SEMA3A: variants seen among roughly 807,000 people sequenced by gnomAD.
The protein encoded by SEMA3A is semaphorin 3A, also known as semaphorin-3A.
A neutral mutation model predicts 97.9 loss-of-function variants in SEMA3A; 29 were observed. That is an observed-to-expected ratio of 0.30 (90% CI 0.22 to 0.40). The LOEUF is 0.40. SEMA3A is among the 10% of genes least tolerant of loss of function. The probability of loss-of-function intolerance (pLI) is 1.00; values close to 1 mark genes in which losing one functional copy is unlikely to be tolerated. For synonymous variants in SEMA3A, 321 were observed against 323.7 expected (o/e 0.99, Z 0.09); for missense variants, 763 against 951.3 (o/e 0.80, Z 2.60).
At chr7:84,284,174 T>C (rs966376391) in intron 3 of SEMA3A, among the ~76,000 whole-genome samples, 2 of 152,120 alleles carry the variant, frequency 1.3e-5, no homozygotes, top group African/African-American at 4.8e-5. Flanking sequence ...TAAAGGAAAT[T>C]TGAGCATTTA....
chr7:84,082,780 A>T (rs1464553559), intron 4 of SEMA3A, among the ~76,000 whole-genome samples: 2 of 151,986 alleles, frequency 1.3e-5, no homozygotes, highest in Non-Finnish European at 2.9e-5. Context: ...AAACTCAAAA[A>T]AAGTAGAAAA....
At chr7:84,308,015 G>A (rs1424558382) in intron 2 of SEMA3A, among the ~76,000 whole-genome samples, 1 of 151,712 alleles carries the variant, frequency 6.6e-6, no homozygotes, top group Non-Finnish European at 1.5e-5. Context: ...GTAAAATTTG[G>A]TGAAAACAAA....
intron 4 of SEMA3A, among the ~76,000 whole-genome samples, chr7:84,095,096 T>C (rs1389947118): frequency 6.7e-6 from 1 of 148,762 alleles, no homozygotes; most frequent in Non-Finnish European, 1.5e-5. Flanking sequence ...TTTATATAAA[T>C]AAATATACTG....
At chr7:84,183,436 A>G (rs575076975) in intron 1 of SEMA3A, among the ~76,000 whole-genome samples, 1 of 152,220 alleles carries the variant, frequency 6.6e-6, no homozygotes, top group East Asian at 1.9e-4. Flanking sequence ...AATGCATATT[A>G]TCAAATATAT....
Position 84,005,565 on chromosome 7 carries a change from A to AGAT in SEMA3A, c.1141-10_1141-8dup, listed in dbSNP as rs757969344. 6.4e-7 allele frequency: 1 copy of AGAT among 1,556,008 alleles called. No individual in the cohort carries two copies. The highest frequency in any genetic ancestry group is 1.4e-5 in the African/African-American group (1 of 73,304). ...CAAATGTTTTGCTGGGACACTATTA[A>AGAT]GATAAAGAGAAAATTATCTTTTGAT... On this transcript the variant is annotated splice_polypyrimidine_tract_variant and splice_region_variant and intron_variant, in intron 10 of 16. Transcript: ENST00000265362.
At chr7:84,390,568 G>C (rs1028557464) in intron 1 of SEMA3A, among the ~76,000 whole-genome samples, 2 of 151,898 alleles carry the variant, frequency 1.3e-5, no homozygotes, top group African/African-American at 4.8e-5. Context: ...TGTCACACTT[G>C]TCAGTCTAAT....
chr7:84,265,967 A>G (rs1799988032), intron 3 of SEMA3A, among the ~76,000 whole-genome samples: 1 of 152,174 alleles, frequency 6.6e-6, no homozygotes, highest in Non-Finnish European at 1.5e-5. Flanking sequence ...ATTTGAATAT[A>G]ATTTAGTAAT....
chr7:84,051,123 T>G (rs1792620813), intron 5 of SEMA3A, among the ~76,000 whole-genome samples: 1 of 149,768 alleles, frequency 6.7e-6, no homozygotes, highest in South Asian at 2.2e-4. Flanking sequence ...CCTTGTAGTA[T>G]AGTTTGAAGT....
At chr7:84,168,837 C>T (rs1326362706) in intron 1 of SEMA3A, among the ~76,000 whole-genome samples, 2 of 151,692 alleles carry the variant, frequency 1.3e-5, no homozygotes, top group Non-Finnish European at 3.0e-5. Context: ...TAAACTTTTA[C>T]AATTATCTTC....
intron 5 of SEMA3A, among the ~76,000 whole-genome samples, chr7:84,049,939 C>G (rs867633772): frequency 1.4e-5 from 2 of 146,050 alleles, no homozygotes; most frequent in African/African-American, 2.5e-5. Context: ...TGTTCAATTC[C>G]CACCTATGAG....
upstream of SEMA3A, among the ~76,000 whole-genome samples, chr7:84,196,406 T>C (rs2116285063): frequency 6.6e-6 from 1 of 151,766 alleles, no homozygotes; most frequent in African/African-American, 2.4e-5. Flanking sequence ...TGCCGTTGGA[T>C]GTGTGGCTTG....
chr7:84,049,059 A>G (rs1792480158), intron 5 of SEMA3A, among the ~76,000 whole-genome samples: 1 of 152,144 alleles, frequency 6.6e-6, no homozygotes, highest in Non-Finnish European at 1.5e-5. Context: ...AAAGGTAAGA[A>G]GGTCCTTCAG....
At chr7:84,062,003 C>A (rs1449911510) in intron 4 of SEMA3A, among the ~76,000 whole-genome samples, 1 of 152,178 alleles carries the variant, frequency 6.6e-6, no homozygotes, top group East Asian at 1.9e-4. Flanking sequence ...TGTTTCATAT[C>A]TCTGAGCCTC....
At chr7:84,304,877 C>A (rs1395897002) in intron 3 of SEMA3A, among the ~76,000 whole-genome samples, 1 of 152,016 alleles carries the variant, frequency 6.6e-6, no homozygotes, top group Non-Finnish European at 1.5e-5. Context: ...TTTTCAATTT[C>A]ACTTTTAGCT....
At chr7:84,299,237 A>AGT (rs1403061408) in intron 3 of SEMA3A, among the ~76,000 whole-genome samples, 29 of 112,474 alleles carry the variant, frequency 2.6e-4, no homozygotes, top group East Asian at 1.9e-3. Flanking sequence ...GATATAAAAC[A>AGT]GTGTGTATAT....
intron 1 of SEMA3A, among the ~76,000 whole-genome samples, chr7:84,436,488 A>G (rs1805134222): frequency 6.6e-6 from 1 of 152,184 alleles, no homozygotes; most frequent in Non-Finnish European, 1.5e-5. Context: ...TCAATAAGGA[A>G]AAGTATTTTC....
chr7:84,102,801 G>C (rs1237965247), intron 4 of SEMA3A, among the ~76,000 whole-genome samples: 1 of 151,538 alleles, frequency 6.6e-6, no homozygotes, highest in Non-Finnish European at 1.5e-5. Flanking sequence ...GGCTGGTCTC[G>C]AACTCCTGAC....
chr7:83,960,094 A>T lies in SEMA3A; in HGVS notation c.*1277T>A, dbSNP rs1027929329. On this transcript the variant is annotated 3_prime_UTR_variant, in exon 17 of 17. Coordinates refer to ENST00000265362, the MANE Select transcript of SEMA3A (RefSeq NM_006080.3). ...GAGGCACCTGATACAGATGTAAATG[A>T]TTGGAAACTTTGCCTTTAACATGTT... is the stretch of plus-strand genomic sequence containing the variant. 6.6e-6 allele frequency: 1 copy of T among 152,066 alleles called. No homozygotes were observed. The highest frequency in any genetic ancestry group is 1.5e-5 in the Non-Finnish European group (1 of 67,952). The allele number at this position is 152,066 out of a possible 1,614,324, so 9.4% of individuals were successfully genotyped here. A position where few individuals can be genotyped will look rare whatever the true frequency, so the allele number is the denominator to read the frequency against.
rs529831178 is a variant in SEMA3A, at chr7:84,233,236, T to C, written c.-82-38568A>G. Among the ~76,000 whole-genome samples, 119 of 152,112 alleles carry C rather than the reference T, an allele frequency of 7.8e-4. 1 individual carries two copies. Among genetic ancestry groups the C allele is most frequent in the African/African-American group, 2.7e-3 (114 of 41,568 alleles). On this transcript the variant is annotated intron_variant, in intron 3 of 3. Transcript: ENST00000424555. Reference sequence around the variant, plus strand: ...CTTTTCTTGCATATATGTATTGTCTTGGGTAAAATTTATGTTCTGTTGAAT... The same window carrying C: ...CTTTTCTTGCATATATGTATTGTCTCGGGTAAAATTTATGTTCTGTTGAAT...
Sources: gnomAD v4.1 joint callset for allele counts (sites outside exome capture counted in the v4.1 genomes callset) on GRCh38, gnomAD v4.1.1 for gene constraint, MANE v1.5 for transcripts, NCBI Gene and HGNC (gene_info 2026-07-23, HGNC 2026-07-21) for gene names.